ABCA5: variants seen among roughly 807,000 people sequenced by gnomAD.
ABCA5 encodes the protein ATP binding cassette subfamily A member 5.
In ABCA5, 163 loss-of-function variants were observed where a neutral mutation model predicts 206.0. That is an observed-to-expected ratio of 0.79 (90% CI 0.70 to 0.90). The LOEUF (loss-of-function observed/expected upper bound fraction) is 0.90, where lower values mean the gene tolerates loss of function less well. Among genes scored for constraint, ABCA5 ranks in the 40% least tolerant of loss-of-function variants. The probability of loss-of-function intolerance (pLI) is 0.00; values close to 1 mark genes in which losing one functional copy is unlikely to be tolerated. For synonymous variants in ABCA5, 609 were observed against 613.8 expected, an observed-to-expected ratio of 0.99 and a Z score of 0.11; for missense variants, 1,859 against 1,912.9, an observed-to-expected ratio of 0.97 and a Z score of 0.53.
At chr17:69,324,254 G>A (rs992435576) in intron 1 of ABCA5, among the ~76,000 whole-genome samples, 1 of 152,168 alleles carries the variant, frequency 6.6e-6, no homozygotes, top group African/African-American at 2.4e-5. Flanking sequence ...TTAATATAAT[G>A]TGATAAGAGA....
chr17:69,256,103 C>CT (rs2075075346), intron 29 of ABCA5, 54 bp downstream of exon 29: 1 of 1,499,042 alleles, frequency 6.7e-7, no homozygotes, highest in African/African-American at 1.4e-5. Context: ...TTTCTATATA[C>CT]CGGGAATTGA....
intron 18 of ABCA5, among the ~76,000 whole-genome samples, chr17:69,281,330 G>A (rs1199076981): frequency 6.6e-6 from 1 of 151,700 alleles, no homozygotes; most frequent in East Asian, 1.9e-4. Context: ...ATTTTATGTA[G>A]TGGTTCAGTA....
At chr17:69,300,158 G>T (rs190273096) in intron 9 of ABCA5, among the ~76,000 whole-genome samples, 7 of 152,182 alleles carry the variant, frequency 4.6e-5, no homozygotes, top group Non-Finnish European at 8.8e-5. Flanking sequence ...CAACTAGGCG[G>T]TCCCATCTGG....
At chr17:69,270,528 T>C (rs1281166896) in intron 22 of ABCA5, 85 bp downstream of exon 22, 3 of 1,223,594 alleles carry the variant, frequency 2.5e-6, no homozygotes, top group Admixed American at 2.8e-5. Flanking sequence ...AATTTCTACA[T>C]ATTTTGTTAT....
At chr17:69,272,907 T>G (rs954163377) in intron 20 of ABCA5, among the ~76,000 whole-genome samples, 8 of 152,258 alleles carry the variant, frequency 5.3e-5, no homozygotes, top group Admixed American at 1.3e-4. Flanking sequence ...TTTGAATTAG[T>G]GAATCAAAAA....
intron 36 of ABCA5, among the ~76,000 whole-genome samples, 154 bp from the exon 37 acceptor site, chr17:69,250,138 T>G (rs2074995464): frequency 6.6e-6 from 1 of 152,066 alleles, no homozygotes; most frequent in Admixed American, 6.6e-5. Context: ...AACATTTTCA[T>G]GCAAAACAAC....
chr17:69,291,659 C>G (rs1036525458), intron 11 of ABCA5, among the ~76,000 whole-genome samples: 1 of 152,034 alleles, frequency 6.6e-6, no homozygotes, highest in Admixed American at 6.6e-5. Flanking sequence ...TATTTATAGG[C>G]ATTTAAATAA....
intron 7 of ABCA5, among the ~76,000 whole-genome samples, chr17:69,303,552 C>T (rs1415306020): frequency 6.8e-6 from 1 of 147,220 alleles, no homozygotes; most frequent in Non-Finnish European, 1.5e-5. Flanking sequence ...AATAATAAAT[C>T]AACAAAAATT....
At chr17:69,256,471 T>A (rs978275243) in intron 28 of ABCA5, among the ~76,000 whole-genome samples, 188 bp from the exon 29 acceptor site, 1 of 150,638 alleles carries the variant, frequency 6.6e-6, no homozygotes, top group African/African-American at 2.4e-5. Flanking sequence ...TTTTTTTTTT[T>A]AAGACAGGGT....
chr17:69,290,062 T>A (rs778941119), intron 12 of ABCA5, 25 bp from the exon 13 acceptor site: 1 of 1,423,778 alleles, frequency 7.0e-7, no homozygotes, highest in Non-Finnish European at 9.5e-7. Context: ...TATATTTAAA[T>A]GTACATTAAT....
At chr17:69,320,532 C>CA (rs892769499) in intron 1 of ABCA5, among the ~76,000 whole-genome samples, 51 of 149,018 alleles carry the variant, frequency 3.4e-4, no homozygotes, top group African/African-American at 4.9e-4. Context: ...GTTATTGAAA[C>CA]AAAAAAAAAA....
chr17:69,315,109 G>A (rs2075803499), intron 1 of ABCA5: 1 of 152,130 alleles, frequency 6.6e-6, no homozygotes, highest in Non-Finnish European at 1.5e-5. Context: ...AAGTAGAAGG[G>A]GGAACAAATA....
chr17:69,281,038 A>T (rs2075386433), intron 18 of ABCA5, among the ~76,000 whole-genome samples: 1 of 149,528 alleles, frequency 6.7e-6, no homozygotes, highest in Non-Finnish European at 1.5e-5. Flanking sequence ...ATAATAATAA[A>T]AAAAAATAAA....
At chr17:69,281,657 C>T (rs1242666833) in intron 18 of ABCA5, among the ~76,000 whole-genome samples, 1 of 152,134 alleles carries the variant, frequency 6.6e-6, no homozygotes, top group African/African-American at 2.4e-5. Context: ...GTATCATAAA[C>T]GTAGGACTAC....
At chr17:69,267,373 C>T (rs898494065) in intron 23 of ABCA5, among the ~76,000 whole-genome samples, 4 of 152,006 alleles carry the variant, frequency 2.6e-5, no homozygotes, top group African/African-American at 7.2e-5. Flanking sequence ...TGTACAAGAT[C>T]GCTATATGCC....
chr17:69,270,511 C>G (rs975234119), intron 22 of ABCA5, 102 bp downstream of exon 22: 4 of 1,128,052 alleles, frequency 3.5e-6, no homozygotes, highest in Non-Finnish European at 5.0e-6. Flanking sequence ...AGAGATCTCA[C>G]AAGATAAATT....
At chr17:69,255,014 T>C (rs2075058137) in intron 31 of ABCA5, among the ~76,000 whole-genome samples, 1 of 152,176 alleles carries the variant, frequency 6.6e-6, no homozygotes, top group Non-Finnish European at 1.5e-5. Flanking sequence ...TATGTATTTC[T>C]AGGGTATAAG....
intron 20 of ABCA5, 111 bp from the exon 21 acceptor site, chr17:69,271,400 ACG>A: frequency 8.3e-7 from 1 of 1,202,082 alleles, no homozygotes; most frequent in Non-Finnish European, 1.1e-6. Context: ...ATTAGCGAAT[ACG>A]CAAGTAAGTA....
In ABCA5 at chr17:69,298,229, T is replaced by A. The variant is rs868058161; in HGVS notation, c.1268-870A>T. On this transcript the variant is annotated intron_variant, in intron 9 of 38. Transcript: ENST00000392676. ...CCCTGTCGGAAGGAAGGAAGGTAGG[T>A]AGGAAGGAAGGAAGGAAGGAAGGAA... Among the ~76,000 whole-genome samples, 24 of 33,490 alleles carry A rather than the reference T, an allele frequency of 7.2e-4. No individual in the cohort carries two copies. In the South Asian group the frequency reaches 7.9e-3, roughly 11 times the overall value. The allele number at this position is 33,490 out of a possible 152,430, so 22.0% of individuals were successfully genotyped here.
Sources: gnomAD v4.1 joint callset for allele counts (sites outside exome capture counted in the v4.1 genomes callset) on GRCh38, gnomAD v4.1.1 for gene constraint, MANE v1.5 for transcripts, NCBI Gene and HGNC (gene_info 2026-07-23, HGNC 2026-07-21) for gene names.